Variants in MPP7 observed in about 807,000 individuals in gnomAD.
The protein encoded by MPP7 is MAGUK p55 subfamily member 7.
In MPP7, 60 loss-of-function variants were observed where a neutral mutation model predicts 76.5. That is an observed-to-expected ratio of 0.78 (90% CI 0.64 to 0.97). The LOEUF (loss-of-function observed/expected upper bound fraction) is 0.97. Ranked by LOEUF, MPP7 falls within the 50% of genes least tolerant of loss-of-function variation. The probability of loss-of-function intolerance (pLI) is 0.00; values close to 1 mark genes in which losing one functional copy is unlikely to be tolerated. For missense variants in MPP7, 641 were observed against 694.0 expected, an observed-to-expected ratio of 0.92 and a Z score of 0.86; for synonymous variants, 237 against 244.5, an observed-to-expected ratio of 0.97 and a Z score of 0.29.
At chr10:28,252,632 T>C (rs539179897) in intron 1 of MPP7, among the ~76,000 whole-genome samples, 2 of 152,322 alleles carry the variant, frequency 1.3e-5, no homozygotes, top group South Asian at 2.1e-4. Flanking sequence ...AGGCAAGAAG[T>C]ACACCTGTAT....
intron 12 of MPP7, among the ~76,000 whole-genome samples, chr10:28,083,214 T>G (rs1243238157): frequency 6.6e-6 from 1 of 152,146 alleles, no homozygotes; most frequent in Non-Finnish European, 1.5e-5. Context: ...ATACTTCCAA[T>G]GTGCCATACA....
chr10:28,263,640 G>A (rs962817724), intron 1 of MPP7, among the ~76,000 whole-genome samples: 2 of 152,216 alleles, frequency 1.3e-5, no homozygotes, highest in South Asian at 4.1e-4. Flanking sequence ...AGGAGGAAGG[G>A]GAGGGATCTT....
In MPP7 at chr10:28,073,295, CCT is replaced by C. The variant is rs145207108; in HGVS notation, c.1124-3445_1124-3444del. On this transcript the variant is annotated intron_variant, in intron 12 of 16. Transcript: ENST00000683449. ...CCATTGCCACTGCTGCCACAATACC[CCT>C]GTTTTGCCTCCTGTCCCGAAACAGC... 5.6e-4 allele frequency among the ~76,000 whole-genome samples: 85 copies of C among 152,236 alleles called. No homozygotes were observed. In the East Asian group the frequency reaches 0.014, roughly 25 times the overall value.
Position 28,148,220 on chromosome 10 carries a change from A to C in MPP7, c.235-657T>G, listed in dbSNP as rs560302825. ...TGACTGTACTCTACTATAATAACCA[A>C]GAATTCCCATTTTGGGTTCTACATA... On this transcript the variant is annotated intron_variant, in intron 4 of 16. Transcript: ENST00000683449. 8.5e-5 allele frequency among the ~76,000 whole-genome samples: 13 copies of C among 152,320 alleles called. No homozygotes were observed. In the East Asian group the frequency reaches 2.5e-3, roughly 29 times the overall value.
chr10:28,288,583 C>A (rs1397169010), intron 1 of MPP7, among the ~76,000 whole-genome samples: 1 of 152,072 alleles, frequency 6.6e-6, no homozygotes, highest in African/African-American at 2.4e-5. Flanking sequence ...TCTAAAATTT[C>A]CCACTTATAT....
intron 3 of MPP7, among the ~76,000 whole-genome samples, chr10:28,197,037 T>C (rs1016349939): frequency 6.6e-6 from 1 of 152,126 alleles, no homozygotes; most frequent in African/African-American, 2.4e-5. Flanking sequence ...CTTCCTGGTG[T>C]CACAGATCAG....
At chr10:28,107,093 A>T (rs1324094828) in intron 11 of MPP7, among the ~76,000 whole-genome samples, 1 of 152,186 alleles carries the variant, frequency 6.6e-6, no homozygotes, top group African/African-American at 2.4e-5. Context: ...TACTTAACCT[A>T]AAACTTATGA....
At position 28,152,561 on chromosome 10, in the gene MPP7, G is replaced by C. The variant is rs764633907; in HGVS notation, c.157-2502C>G. 2.0e-5 allele frequency among the ~76,000 whole-genome samples: 3 copies of C among 152,164 alleles called. No homozygotes were observed. The East Asian group carries it at 5.8e-4, about 29-fold the overall frequency. ...GTGATGGTGAAAATGTTTTATAGCCGTTTGCCCAATATGGTTAGCCACTGG... is the reference window on the plus strand; with the variant it reads ...GTGATGGTGAAAATGTTTTATAGCCCTTTGCCCAATATGGTTAGCCACTGG... On this transcript the variant is annotated intron_variant, in intron 3 of 16. Coordinates refer to ENST00000683449, the MANE Select transcript of MPP7 (RefSeq NM_001318170.2).
At chr10:28,226,621 T>C (rs1838700381) in intron 2 of MPP7, among the ~76,000 whole-genome samples, 1 of 152,172 alleles carries the variant, frequency 6.6e-6, no homozygotes, top group Non-Finnish European at 1.5e-5. Flanking sequence ...ATAGTGGTGA[T>C]GATCATAAAA....
chr10:28,094,366 C>G (rs1271813061), intron 11 of MPP7, among the ~76,000 whole-genome samples: 1 of 152,066 alleles, frequency 6.6e-6, no homozygotes, highest in Non-Finnish European at 1.5e-5. Context: ...GGCAGAGGAT[C>G]CGGACCAGTA....
intron 2 of MPP7, among the ~76,000 whole-genome samples, chr10:28,233,968 G>A (rs1171954829): frequency 2.2e-4 from 33 of 151,640 alleles, no homozygotes; most frequent in Admixed American, 2.1e-3. Context: ...AGAGAGGAAG[G>A]AGGAGAGAAA....
intron 11 of MPP7, 51 bp from the exon 12 acceptor site, chr10:28,089,892 AC>A (rs1366248242): frequency 1.0e-6 from 1 of 953,024 alleles, no homozygotes; most frequent in Admixed American, 2.9e-5. Context: ...CAAAAAAGAA[AC>A]CCTCAAAAAA....
rs760340078 is a variant in MPP7, at chr10:28,119,574, T to C, written c.952+77A>G. On this transcript the variant is annotated intron_variant, in intron 11 of 16. Coordinates refer to ENST00000683449, the MANE Select transcript of MPP7 (RefSeq NM_001318170.2). ...GCTAGGGTAATAGGACCCTTTGTTC[T>C]GCCATGAGCACCTGCTTTAATAGTC... 5.0e-6 allele frequency: 6 copies of C among 1,189,172 alleles called. No individual in the cohort carries two copies. In the Admixed American group the frequency reaches 1.1e-4, roughly 21 times the overall value. 73.7% of individuals were successfully genotyped at this position (1,189,172 alleles called of 1,614,324 possible).
chr10:28,148,308 T>C (rs1431229319), intron 4 of MPP7, among the ~76,000 whole-genome samples: 2 of 152,104 alleles, frequency 1.3e-5, no homozygotes, highest in Non-Finnish European at 2.9e-5. Context: ...CCTATCAAAA[T>C]TCCCATTCAA....
At position 28,089,771 on chromosome 10, in the gene MPP7, C is replaced by T; in HGVS notation, c.1023G>A (p.Lys341=). 3 of 1,608,380 alleles carry T rather than the reference C, an allele frequency of 1.9e-6. No homozygotes were observed. Among genetic ancestry groups the T allele is most frequent in the Non-Finnish European group, 2.6e-6 (3 of 1,175,176 alleles). The change falls in exon 12 of 17, where the codon AAG becomes AAA. Residue 341 remains lysine (K), a synonymous_variant. Coordinates refer to ENST00000683449, the MANE Select transcript of MPP7 (RefSeq NM_001318170.2). The stretch of plus-strand genomic sequence containing the variant: ...CAGCTGTGTCGTACTGATCACTCTT[C>T]TTGCATTCATACATGGATTTATTTG... ...KKTNKSMYEC[K]KSDQYDTADV...
At chr10:28,259,809 C>G (rs1336151534) in intron 1 of MPP7, among the ~76,000 whole-genome samples, 2 of 151,906 alleles carry the variant, frequency 1.3e-5, no homozygotes, top group Non-Finnish European at 2.9e-5. Flanking sequence ...GACAAAATCC[C>G]ATCTCTACAA....
intron 11 of MPP7, among the ~76,000 whole-genome samples, chr10:28,092,932 C>T (rs928505252): frequency 3.3e-5 from 5 of 152,100 alleles, no homozygotes; most frequent in African/African-American, 1.2e-4. Flanking sequence ...AAGGTCTTTA[C>T]AACTACCCCT....
At chr10:28,241,693 C>T (rs140028525) in intron 1 of MPP7, among the ~76,000 whole-genome samples, 97 of 152,264 alleles carry the variant, frequency 6.4e-4, no homozygotes, top group African/African-American at 2.3e-3. Context: ...AAGTTCAATC[C>T]ATCTTTCCAT....
chr10:28,053,889 T>C lies in MPP7; in HGVS notation c.*176A>G. 1.6e-6 allele frequency: 1 copy of C among 619,862 alleles called. No homozygotes were observed. Among genetic ancestry groups the C allele is most frequent in the Non-Finnish European group, 2.8e-6 (1 of 354,466 alleles). 38.4% of individuals were successfully genotyped at this position (619,862 alleles called of 1,614,324 possible). On this transcript the variant is annotated 3_prime_UTR_variant, in exon 17 of 17. Coordinates refer to ENST00000683449, the MANE Select transcript of MPP7 (RefSeq NM_001318170.2). ...CATATTTTGATTTCGGATCTTATACTAACACATGGCGTTTGAAATAAGGCT... is the reference window on the plus strand; with the variant it reads ...CATATTTTGATTTCGGATCTTATACCAACACATGGCGTTTGAAATAAGGCT...
Sources: allele counts gnomAD v4.1 joint callset (sites outside exome capture counted in the v4.1 genomes callset), GRCh38; gene constraint gnomAD v4.1.1; transcripts MANE v1.5; gene names NCBI Gene and HGNC (gene_info 2026-07-23, HGNC 2026-07-21).